TRMT10A: variants seen among roughly 807,000 people sequenced by gnomAD.
The protein encoded by TRMT10A is tRNA methyltransferase 10A.
In TRMT10A, 37 loss-of-function variants were observed where a neutral mutation model predicts 40.4. The observed-to-expected ratio is 0.92, with a 90% confidence interval of 0.71 to 1.21. The LOEUF is 1.21. Ranked by LOEUF, TRMT10A falls within the 50% of genes most tolerant of loss-of-function variation. The pLI is 0.00. For missense variants in TRMT10A, 388 were observed against 404.3 expected (o/e 0.96, Z 0.35); for synonymous variants, 103 against 134.1 (o/e 0.77, Z 1.60).
intron 4 of TRMT10A, among the ~76,000 whole-genome samples, chr4:99,557,040 G>A (rs1724186885): frequency 6.6e-6 from 1 of 152,134 alleles, no homozygotes; most frequent in African/African-American, 2.4e-5. Context: ...CACACTGGAA[G>A]TAATTGTAAA....
intron 7 of TRMT10A, 137 bp from the exon 8 acceptor site, chr4:99,549,493 T>C (rs1363061158): frequency 1.7e-6 from 2 of 1,194,118 alleles, no homozygotes; most frequent in African/African-American, 3.1e-5. Context: ...CTCTTCTTTC[T>C]ATTGTCTGTC....
chr4:99,550,745 A>T, intron 7 of TRMT10A, 140 bp downstream of exon 7: 1 of 655,272 alleles, frequency 1.5e-6, no homozygotes, highest in Non-Finnish European at 2.5e-6. Flanking sequence ...TATTTCTGTT[A>T]AACAAATTAT....
chr4:99,563,399 T>C, intron 1 of TRMT10A: 1 of 157,118 alleles, frequency 6.4e-6, no homozygotes, highest in Non-Finnish European at 1.4e-5. Context: ...CTCTCTACAT[T>C]TCAGAGAGTT....
intron 2 of TRMT10A, among the ~76,000 whole-genome samples, 177 bp from the exon 3 acceptor site, chr4:99,558,388 T>A (rs1160517624): frequency 6.6e-6 from 1 of 152,112 alleles, no homozygotes; most frequent in Non-Finnish European, 1.5e-5. Flanking sequence ...TCTAAAAGCT[T>A]CAGATAGGAA....
In TRMT10A at chr4:99,547,180, T is replaced by G. The variant is rs1239598675; in HGVS notation, c.*1908A>C. ...ATAGAAGACAGGGTAGAAGACCACT[T>G]GACAACAAAACTGAGATTGGAGTCA... On this transcript the variant is annotated 3_prime_UTR_variant, in exon 8 of 8. Coordinates refer to ENST00000394876, the MANE Select transcript of TRMT10A (RefSeq NM_001134665.3). 2 of 152,136 alleles carry G rather than the reference T, an allele frequency of 1.3e-5. No homozygotes were observed. Among genetic ancestry groups the G allele is most frequent in the Non-Finnish European group, 2.9e-5 (2 of 68,002 alleles). 9.4% of individuals were successfully genotyped at this position (152,136 alleles called of 1,614,324 possible). A position where few individuals can be genotyped will look rare whatever the true frequency, so the allele number is the denominator to read the frequency against.
intron 1 of TRMT10A, 126 bp downstream of exon 1, chr4:99,563,787 C>A (rs1031382408): frequency 3.6e-6 from 2 of 548,944 alleles, no homozygotes; most frequent in Non-Finnish European, 6.8e-6. Flanking sequence ...GAAACCACTT[C>A]CACACCACTG....
chr4:99,554,985 C>A (rs1438721964), intron 5 of TRMT10A, among the ~76,000 whole-genome samples: 1 of 152,096 alleles, frequency 6.6e-6, no homozygotes, highest in East Asian at 1.9e-4. Context: ...AAAGAACTCT[C>A]TCCTAAAATG....
intron 1 of TRMT10A, chr4:99,563,513 G>A (rs964329324): frequency 1.6e-5 from 3 of 191,058 alleles, no homozygotes; most frequent in Non-Finnish European, 2.2e-5. Context: ...CACGCTTTCC[G>A]GCCCTTTAGA....
At chr4:99,562,201 A>ATATATATG (rs374134499) in intron 1 of TRMT10A, among the ~76,000 whole-genome samples, 80 of 136,178 alleles carry the variant, frequency 5.9e-4, no homozygotes, top group Admixed American at 5.8e-3. Context: ...ATATATATAT[A>ATATATATG]TGTGTGTGTG....
chr4:99,555,361 T>C (rs1282896943), intron 5 of TRMT10A, among the ~76,000 whole-genome samples: 1 of 152,076 alleles, frequency 6.6e-6, no homozygotes, highest in East Asian at 1.9e-4. Context: ...AGAAAAAAGG[T>C]ATAGGGATAA....
chr4:99,556,100 C>T (rs1294287163), intron 5 of TRMT10A, 46 bp downstream of exon 5: 10 of 1,569,696 alleles, frequency 6.4e-6, no homozygotes, highest in African/African-American at 1.4e-5. Context: ...CCTTTAGAAA[C>T]ATAAAAATAC....
At chr4:99,562,651 G>A (rs1407284862) in intron 1 of TRMT10A, among the ~76,000 whole-genome samples, 2 of 136,148 alleles carry the variant, frequency 1.5e-5, no homozygotes, top group Non-Finnish European at 3.1e-5. Context: ...TCAGCCTCCC[G>A]AGTAGCTGGG....
chr4:99,550,048 G>A (rs1175203561), intron 7 of TRMT10A, among the ~76,000 whole-genome samples: 1 of 152,062 alleles, frequency 6.6e-6, no homozygotes, highest in Non-Finnish European at 1.5e-5. Context: ...TTAAAGCAAA[G>A]TCCAGGCAAA....
Position 99,563,932 on chromosome 4 carries a change from G to C in TRMT10A, c.-43C>G. On this transcript the variant is annotated 5_prime_UTR_variant, in exon 1 of 8. Transcript: ENST00000394876. ...ACTTACCGAGCTGAAGAGTTGACAG[G>C]GAAGTGAAATCTCAGAAAGAAAGCC... 1 of 833,324 alleles carries C rather than the reference G, an allele frequency of 1.2e-6. No individual in the cohort carries two copies. The allele number at this position is 833,324 out of a possible 1,614,324, so 51.6% of individuals were successfully genotyped here.
rs183683608 is a variant in TRMT10A at position 99,551,058 on chromosome 4, T to C, written c.646-68A>G. On this transcript the variant is annotated intron_variant, in intron 6 of 7. Transcript: ENST00000394876. Reference sequence around the variant, plus strand: ...TTTAAAGTTTCTGTAATAGTATAAATAATTTTTAGATAAGATTTATAGTTC... The same window carrying C: ...TTTAAAGTTTCTGTAATAGTATAAACAATTTTTAGATAAGATTTATAGTTC... 144 of 1,122,902 alleles carry C rather than the reference T, an allele frequency of 1.3e-4. 1 individual carries two copies. In the African/African-American group the frequency reaches 1.9e-3, roughly 15 times the overall value. The allele number at this position is 1,122,902 out of a possible 1,614,324, so 69.6% of individuals were successfully genotyped here.
At chr4:99,558,688 C>G (rs761335287) in intron 2 of TRMT10A, among the ~76,000 whole-genome samples, 1 of 152,098 alleles carries the variant, frequency 6.6e-6, no homozygotes, top group Non-Finnish European at 1.5e-5. Context: ...TTTATTACAA[C>G]GACAAATTTA....
chr4:99,553,676 T>G, intron 6 of TRMT10A, 109 bp downstream of exon 6: 1 of 1,073,412 alleles, frequency 9.3e-7, no homozygotes, highest in Non-Finnish European at 1.3e-6. Flanking sequence ...TGACATATAG[T>G]AGGCACTCAA....
At chr4:99,551,733 A>G (rs904999498) in intron 6 of TRMT10A, among the ~76,000 whole-genome samples, 1 of 152,160 alleles carries the variant, frequency 6.6e-6, no homozygotes, top group Admixed American at 6.5e-5. Context: ...ATTCCAGAAG[A>G]AGGCACTGTT....
At chr4:99,551,088 A>G (rs1723947213) in intron 6 of TRMT10A, 98 bp from the exon 7 acceptor site, 2 of 485,430 alleles carry the variant, frequency 4.1e-6, no homozygotes, top group Non-Finnish European at 6.2e-6. Flanking sequence ...TAGTTCAGAG[A>G]ATTTATAGTT....
Sources: gnomAD v4.1 joint callset for allele counts (sites outside exome capture counted in the v4.1 genomes callset) on GRCh38, gnomAD v4.1.1 for gene constraint, MANE v1.5 for transcripts, NCBI Gene and HGNC (gene_info 2026-07-23, HGNC 2026-07-21) for gene names.